The following IQSEC1 variants were observed in gnomAD, a reference collection of about 807,000 sequenced individuals.
IQSEC1 encodes IQ motif and SEC7 domain-containing protein 1.
Under a neutral mutation model 91.0 loss-of-function variants are expected in IQSEC1, and 31 were observed. The ratio of observed to expected loss-of-function variants is 0.34; its 90% confidence interval spans 0.26 to 0.46. The LOEUF (loss-of-function observed/expected upper bound fraction) is 0.46, where lower values mean the gene tolerates loss of function less well. Among genes scored for constraint, IQSEC1 ranks in the 20% least tolerant of loss-of-function variants. The pLI is 1.00. For synonymous variants in IQSEC1, 699 were observed against 662.6 expected, an observed-to-expected ratio of 1.05 and a Z score of -0.84; for missense variants, 1,388 against 1,575.6, an observed-to-expected ratio of 0.88 and a Z score of 2.02.
At chr3:13,253,027 C>A (rs942387825) in intron 1 of IQSEC1, among the ~76,000 whole-genome samples, 2 of 152,194 alleles carry the variant, frequency 1.3e-5, no homozygotes, top group Non-Finnish European at 2.9e-5. Flanking sequence ...CCACCGCACC[C>A]GGTCCCTTAT....
At position 12,908,367 on chromosome 3, in the gene IQSEC1, G is replaced by A. The variant is rs560424556; in HGVS notation, c.2737C>T (p.Arg913Trp). Reference protein sequence around the residue: ...LKRSALSSSLRDLSEAGKRGR... With the variant: ...LKRSALSSSLWDLSEAGKRGR... ...CTCTTACCGGCTTCCGAGAGGTCCC[G>A]CAGGGAGCTGCTGAGGGCGCTGCGC... Residue 913 changes from arginine to tryptophan, a missense_variant, in exon 12 of 14, where the codon CGG becomes TGG. Around this residue, in one of 2 missense-constraint regions of IQSEC1, gnomAD observed 1,059 missense variants for 1,317.8 expected, o/e 0.80. Transcript: ENST00000613206. This position sits in a 1 kb window ranked among gnomAD's most constrained non-coding sequence, Gnocchi z 4.9. The A allele has an allele frequency of 1.1e-5, 18 of 1,611,962 alleles. No homozygotes were observed. The highest frequency in any genetic ancestry group is 1.7e-5 in the Admixed American group (1 of 60,016).
chr3:12,933,092 C>T (rs1331603603), intron 3 of IQSEC1, among the ~76,000 whole-genome samples: 1 of 152,234 alleles, frequency 6.6e-6, no homozygotes, highest in African/African-American at 2.4e-5. Flanking sequence ...GAACTGAGAG[C>T]TGTGCTGGAG....
At chr3:13,180,571 G>C (rs554894551) in intron 1 of IQSEC1, among the ~76,000 whole-genome samples, 2 of 151,974 alleles carry the variant, frequency 1.3e-5, no homozygotes, top group African/African-American at 4.8e-5. Context: ...AACCCGCTGG[G>C]GTCCCCTTCC....
chr3:13,260,163 G>A lies in IQSEC1; in HGVS notation c.272+22548C>T, dbSNP rs868481994. On this transcript the variant is annotated intron_variant, in intron 1 of 15. Transcript: ENST00000648114. ...AGGGAGACAGAAAAGAGAGGTGAAA[G>A]CGTGGAGGAGGAAGGGAAGAGGGTG... Among the ~76,000 whole-genome samples, 15 of 152,298 alleles carry A rather than the reference G, an allele frequency of 9.8e-5. 1 individual carries two copies. The highest frequency in any genetic ancestry group is 4.1e-4 in the South Asian group (2 of 4,830).
In IQSEC1 at chr3:12,950,390, AGCTG is replaced by A. The variant is rs201803533; in HGVS notation, c.24-8529_24-8526del. Among the ~76,000 whole-genome samples, 1,471 of 152,344 alleles carry A rather than the reference AGCTG, an allele frequency of 9.7e-3. 21 individuals carry two copies. Among genetic ancestry groups the A allele is most frequent in the African/African-American group, 0.034 (1,406 of 41,574 alleles). ...GCAAAGAAGGGACATAAAGTTGGCC[AGCTG>A]TGGTGGCTCACGCCTGCAATCCTAG... On this transcript the variant is annotated intron_variant, in intron 1 of 13. Coordinates refer to ENST00000613206, the MANE Select transcript of IQSEC1 (RefSeq NM_001134382.3).
chr3:12,965,392 G>C (rs1441549882), intron 1 of IQSEC1, among the ~76,000 whole-genome samples: 1 of 152,234 alleles, frequency 6.6e-6, no homozygotes, highest in Non-Finnish European at 1.5e-5. Flanking sequence ...TGGCCCCTGG[G>C]AGCCAGCCCA....
At chr3:13,250,589 A>C in intron 1 of IQSEC1, among the ~76,000 whole-genome samples, 1 of 144,282 alleles carries the variant, frequency 6.9e-6, no homozygotes. Flanking sequence ...GCCCGCCTCC[A>C]CCTCACCCAG....
chr3:12,922,208 C>G lies in IQSEC1; in HGVS notation c.1765G>C (p.Glu589Gln). Residue 589 changes from glutamate (E) to glutamine (Q), a missense_variant, in exon 5 of 14, where the codon GAG (glutamate) becomes CAG (glutamine). Physicochemically the swap from Glu to Gln is conservative, Grantham distance 29. Transcript: ENST00000613206. The surrounding 1 kb of genome is among the most constrained non-coding windows in gnomAD (Gnocchi z 5.1). ...VVDEMDFSTM[E>Q]LDEALRKFQA... ...AATTTCCTGAGGGCCTCATCCAGCT[C>G]CATGGTAGAGAAGTCCATCTCGTCC... is the stretch of plus-strand genomic sequence containing the variant. 6.2e-7 allele frequency: 1 copy of G among 1,607,310 alleles called. No homozygotes were observed. Among genetic ancestry groups the G allele is most frequent in the Non-Finnish European group, 8.5e-7 (1 of 1,175,716 alleles).
At chr3:13,149,730 C>T (rs1706959835) in intron 2 of IQSEC1, among the ~76,000 whole-genome samples, 1 of 152,034 alleles carries the variant, frequency 6.6e-6, no homozygotes, top group African/African-American at 2.4e-5. Flanking sequence ...CCCCTGTGTT[C>T]CCCTCTGTCC....
Position 13,097,093 on chromosome 3 carries a change from C to T in IQSEC1, c.303-49571G>A, listed in dbSNP as rs1405630296. Among the ~76,000 whole-genome samples the T allele has an allele frequency of 3.9e-5, 6 of 152,290 alleles. No homozygotes were observed. In the East Asian group the frequency reaches 1.2e-3, roughly 29 times the overall value. On this transcript the variant is annotated intron_variant, in intron 2 of 15. Coordinates refer to the IQSEC1 transcript ENST00000648114. The stretch of plus-strand genomic sequence containing the variant: ...GCCAGGATGGTCTCAATCTCCTGAC[C>T]TCGTGATCCGCCCACCTCGGCCTCC...
chr3:13,145,699 G>A (rs1387440860), intron 2 of IQSEC1, among the ~76,000 whole-genome samples: 1 of 151,998 alleles, frequency 6.6e-6, no homozygotes, highest in Non-Finnish European at 1.5e-5. Context: ...CTGTCCCAGA[G>A]GAGGCGTGGA....
intron 2 of IQSEC1, among the ~76,000 whole-genome samples, chr3:13,162,532 G>A (rs886597152): frequency 3.3e-5 from 5 of 152,208 alleles, no homozygotes; most frequent in Non-Finnish European, 7.4e-5. Context: ...CTGCCCTGAG[G>A]AAGCATACAG....
rs551810108 is a variant in IQSEC1, at chr3:13,019,850, G to C, written c.23+53142C>G. ...GCTACCTGTCTATCACCACTTGACAGCCACAAAGCCTCCCGTAAGGCCCCG... is the reference window on the plus strand; with the variant it reads ...GCTACCTGTCTATCACCACTTGACACCCACAAAGCCTCCCGTAAGGCCCCG... On this transcript the variant is annotated intron_variant, in intron 1 of 13. Coordinates refer to ENST00000613206, the MANE Select transcript of IQSEC1 (RefSeq NM_001134382.3). 2.5e-3 allele frequency among the ~76,000 whole-genome samples: 375 copies of C among 152,310 alleles called. 1 individual carries two copies. Among genetic ancestry groups the C allele is most frequent in the Non-Finnish European group, 4.6e-3 (311 of 68,030 alleles).
intron 1 of IQSEC1, among the ~76,000 whole-genome samples, chr3:13,171,515 G>C (rs1243448877): frequency 6.6e-6 from 1 of 152,080 alleles, no homozygotes; most frequent in Non-Finnish European, 1.5e-5. Context: ...ACACCCCCAG[G>C]CCATTTCCCA....
intron 1 of IQSEC1, among the ~76,000 whole-genome samples, chr3:13,255,618 T>G (rs949206616): frequency 4.8e-4 from 70 of 146,240 alleles, no homozygotes; most frequent in Non-Finnish European, 8.4e-4. Context: ...TGTTTTGGGG[T>G]TTTTTTTTTG....
intron 1 of IQSEC1, among the ~76,000 whole-genome samples, chr3:13,060,323 G>A (rs141553458): frequency 6.6e-6 from 1 of 152,310 alleles, no homozygotes; most frequent in East Asian, 1.9e-4. Context: ...AGGGAGTGAC[G>A]GTGGGAGTAG....
Position 12,924,464 on chromosome 3 carries a change from C to T in IQSEC1, c.1730+117G>A. ...GACTTAGGAAGAGAGAAAGGGGGGC[C>T]CACCACATGTCCCAGCAAGTAGGGT... On this transcript the variant is annotated intron_variant, in intron 4 of 13. Transcript: ENST00000613206. The surrounding 1 kb of genome is among the most constrained non-coding windows in gnomAD (Gnocchi z 6.3). The T allele has an allele frequency of 1.9e-6, 2 of 1,056,388 alleles. No homozygotes were observed. The highest frequency in any genetic ancestry group is 2.7e-6 in the Non-Finnish European group (2 of 748,976). 65.4% of individuals were successfully genotyped at this position (1,056,388 alleles called of 1,614,324 possible).
Position 12,901,712 on chromosome 3 carries a change from G to T in IQSEC1, c.2806-190C>A, listed in dbSNP as rs536887860. Among the ~76,000 whole-genome samples, 406 of 152,158 alleles carry T rather than the reference G, an allele frequency of 2.7e-3. 2 individuals are homozygous for T. Among genetic ancestry groups the T allele is most frequent in the Middle Eastern group, 6.8e-3 (2 of 294 alleles). ...CCTCTCACTACAGTGCAGGGCAGCT[G>T]GGGGTTACTGGCCTTGACCAAAGTG... On this transcript the variant is annotated intron_variant, in intron 13 of 13. Coordinates refer to ENST00000613206, the MANE Select transcript of IQSEC1 (RefSeq NM_001134382.3).
chr3:13,004,847 G>A (rs1375334574), intron 1 of IQSEC1, among the ~76,000 whole-genome samples: 1 of 152,150 alleles, frequency 6.6e-6, no homozygotes, highest in African/African-American at 2.4e-5. Flanking sequence ...CCACGAGGTA[G>A]CCTCCACCTC....
Sources: gnomAD v4.1 joint callset for allele counts (sites outside exome capture counted in the v4.1 genomes callset) on GRCh38, gnomAD v4.1.1 for gene constraint, gnomAD v4.1.1 regional missense constraint, Gnocchi (gnomAD v3.1) non-coding constraint, MANE v1.5 for transcripts, NCBI Gene and HGNC (gene_info 2026-07-23, HGNC 2026-07-21) for gene names.